TOMM70: variants seen among roughly 807,000 people sequenced by gnomAD.
TOMM70 encodes the protein translocase of outer mitochondrial membrane 70, also known as mitochondrial import receptor subunit TOM70.
In TOMM70, 13 loss-of-function variants were observed where a neutral mutation model predicts 73.6. The ratio of observed to expected loss-of-function variants is 0.18; its 90% CI spans 0.11 to 0.28. The LOEUF is 0.28. Among genes scored for constraint, TOMM70 ranks in the 10% least tolerant of loss-of-function variants. TOMM70 has a pLI of 1.00. For synonymous variants in TOMM70, 257 were observed against 271.2 expected, an observed-to-expected ratio of 0.95 and a Z score of 0.51; for missense variants, 609 against 747.5, an observed-to-expected ratio of 0.81 and a Z score of 2.16.
At chr3:100,392,886 T>G (rs551178883) in intron 1 of TOMM70, among the ~76,000 whole-genome samples, 1 of 152,062 alleles carries the variant, frequency 6.6e-6, no homozygotes, top group East Asian at 1.9e-4. Context: ...ATTGCAAAGA[T>G]ATGGAACTGG....
chr3:100,374,365 A>G (rs1236083981), intron 7 of TOMM70, among the ~76,000 whole-genome samples: 2 of 152,196 alleles, frequency 1.3e-5, no homozygotes, highest in Non-Finnish European at 2.9e-5. Flanking sequence ...TCGCCTAATA[A>G]TGCACTTCCC....
chr3:100,379,860 C>G (rs1418231560), intron 5 of TOMM70, among the ~76,000 whole-genome samples: 2 of 152,172 alleles, frequency 1.3e-5, no homozygotes, highest in Non-Finnish European at 2.9e-5. Flanking sequence ...CTCAAGCAAT[C>G]TGCCCACCTC....
At position 100,365,457 on chromosome 3, in the gene TOMM70, G is replaced by A. The variant is rs1168304089; in HGVS notation, c.*107C>T. 2.0e-6 allele frequency: 3 copies of A among 1,465,840 alleles called. No individual in the cohort carries two copies. In the East Asian group the frequency reaches 6.9e-5, roughly 34 times the overall value. The allele number at this position is 1,465,840 out of a possible 1,614,324, so 90.8% of individuals were successfully genotyped here. A position where few individuals can be genotyped will look rare whatever the true frequency, so the allele number is the denominator to read the frequency against. On this transcript the variant is annotated 3_prime_UTR_variant, in exon 12 of 12. Coordinates refer to ENST00000284320, the MANE Select transcript of TOMM70 (RefSeq NM_014820.5). ...GTAACAAATAACAACACCACAAACA[G>A]AAATACTGATTTCCACCATTCAACA...
chr3:100,398,454 G>A (rs919071237), intron 1 of TOMM70, among the ~76,000 whole-genome samples: 1 of 150,988 alleles, frequency 6.6e-6, no homozygotes, highest in Non-Finnish European at 1.5e-5. Context: ...TTACAGAACT[G>A]AGAACTTTTT....
At chr3:100,368,571 ATTTC>A (rs975004286) in intron 10 of TOMM70, among the ~76,000 whole-genome samples, 8 of 152,168 alleles carry the variant, frequency 5.3e-5, no homozygotes, top group South Asian at 2.1e-4. Flanking sequence ...TAGTACATTA[ATTTC>A]TTTCTTTTTG....
chr3:100,382,644 C>G (rs1008034462), intron 4 of TOMM70, among the ~76,000 whole-genome samples: 5 of 152,132 alleles, frequency 3.3e-5, no homozygotes, highest in Non-Finnish European at 7.4e-5. Flanking sequence ...AGGGGAAAAG[C>G]TTAAATAGAA....
chr3:100,373,510 G>A lies in TOMM70; in HGVS notation c.1335+28C>T. 3 of 1,536,046 alleles carry A rather than the reference G, an allele frequency of 2.0e-6. No individual in the cohort carries two copies. The South Asian group carries it at 3.6e-5, about 19-fold the overall frequency. On this transcript the variant is annotated intron_variant, in intron 8 of 11. Coordinates refer to ENST00000284320, the MANE Select transcript of TOMM70 (RefSeq NM_014820.5). Reference sequence around the variant, plus strand: ...CGCTGGAAAATAAAAGTGATGTTTAGGAAAATACAAAAGAAAGTAGTACCT... The same window carrying A: ...CGCTGGAAAATAAAAGTGATGTTTAAGAAAATACAAAAGAAAGTAGTACCT...
At chr3:100,383,829 C>G (rs1706663071) in intron 4 of TOMM70, among the ~76,000 whole-genome samples, 1 of 152,216 alleles carries the variant, frequency 6.6e-6, no homozygotes, top group Admixed American at 6.5e-5. Flanking sequence ...TTACTTACAT[C>G]TCACCTTGGG....
chr3:100,381,019 T>C (rs917611914), intron 5 of TOMM70, among the ~76,000 whole-genome samples: 1 of 152,000 alleles, frequency 6.6e-6, no homozygotes, highest in Non-Finnish European at 1.5e-5. Flanking sequence ...GACAGAAAAA[T>C]ACAAGTATTG....
chr3:100,369,366 T>C (rs546659374), intron 9 of TOMM70, among the ~76,000 whole-genome samples: 146 of 152,350 alleles, frequency 9.6e-4, no homozygotes, highest in African/African-American at 3.3e-3. Flanking sequence ...GTTAGTTATA[T>C]GCCACAGCAG....
At chr3:100,389,681 TAA>T (rs1372704877) in intron 1 of TOMM70, among the ~76,000 whole-genome samples, 1 of 152,212 alleles carries the variant, frequency 6.6e-6, no homozygotes, top group Non-Finnish European at 1.5e-5. Context: ...GTTTTACTGA[TAA>T]AAGGTTCAAT....
intron 1 of TOMM70, among the ~76,000 whole-genome samples, chr3:100,393,534 AGACTTTACCAC>A (rs1706787553): frequency 1.3e-5 from 2 of 152,210 alleles, no homozygotes. Context: ...CTAAAATCTC[AGACTTTACCAC>A]TATACAATTC....
chr3:100,371,108 A>T (rs141583888), intron 9 of TOMM70, among the ~76,000 whole-genome samples: 6 of 152,066 alleles, frequency 3.9e-5, no homozygotes, highest in Non-Finnish European at 7.4e-5. Flanking sequence ...ATCCAACACA[A>T]ATCAATTTTC....
Position 100,400,644 on chromosome 3 carries a change from G to C in TOMM70, c.306C>G (p.Pro102=). 1.2e-6 allele frequency: 2 copies of C among 1,612,168 alleles called. No individual in the cohort carries two copies. Among genetic ancestry groups the C allele is most frequent in the Non-Finnish European group, 1.7e-6 (2 of 1,179,592 alleles). ...PAPGSGHPEG[P]GAHLDMNSLD... is the part of the protein sequence containing the mutation. ...TTCTCACCATGTCCAAGTGAGCACC[G>C]GGACCTTCAGGGTGTCCGCTGCCCG... is the stretch of plus-strand genomic sequence containing the variant. Residue 102 remains proline, a synonymous_variant, in exon 1 of 12, where the codon CCC becomes CCG. Transcript: ENST00000284320.
intron 7 of TOMM70, 117 bp from the exon 8 acceptor site, chr3:100,373,762 T>C (rs1706535423): frequency 8.8e-6 from 5 of 569,174 alleles, no homozygotes; most frequent in Admixed American, 8.0e-5. Flanking sequence ...TAATTCAATA[T>C]ATAATTACTT....
intron 4 of TOMM70, 58 bp from the exon 5 acceptor site, chr3:100,381,821 G>A (rs1706637146): frequency 3.4e-6 from 5 of 1,482,882 alleles, no homozygotes; most frequent in South Asian, 1.4e-5. Flanking sequence ...AAAGAAGCAG[G>A]TACATTGTAG....
In TOMM70 at chr3:100,401,060, G is replaced by C. The variant is rs146188486; in HGVS notation, c.-111C>G. The C allele has an allele frequency of 1.6e-4, 189 of 1,184,758 alleles. No individual in the cohort carries two copies. The East Asian group carries it at 5.2e-3, about 32-fold the overall frequency. The allele number at this position is 1,184,758 out of a possible 1,614,324, so 73.4% of individuals were successfully genotyped here. A position where few individuals can be genotyped will look rare whatever the true frequency, so the allele number is the denominator to read the frequency against. ...AGGAAAGCAATGAGCGAGCGAGCAC[G>C]CTAGGCAGAGAGAGCGGACGACAGA... On this transcript the variant is annotated 5_prime_UTR_variant, in exon 1 of 12. Coordinates refer to ENST00000284320, the MANE Select transcript of TOMM70 (RefSeq NM_014820.5).
At chr3:100,393,436 A>G (rs191238760) in intron 1 of TOMM70, among the ~76,000 whole-genome samples, 18 of 152,134 alleles carry the variant, frequency 1.2e-4, no homozygotes, top group African/African-American at 4.3e-4. Flanking sequence ...CGGACTATGG[A>G]GACTCAGAGG....
chr3:100,386,455 C>G, intron 2 of TOMM70, 111 bp from the exon 3 acceptor site: 2 of 1,156,402 alleles, frequency 1.7e-6, no homozygotes, highest in Non-Finnish European at 2.3e-6. Context: ...AAAAAGTATT[C>G]CTAATACAAA....
Sources: allele counts gnomAD v4.1 joint callset (sites outside exome capture counted in the v4.1 genomes callset), GRCh38; gene constraint gnomAD v4.1.1; transcripts MANE v1.5; gene names NCBI Gene and HGNC (gene_info 2026-07-23, HGNC 2026-07-21).